The following CATSPERB variants were observed in gnomAD, a reference collection of about 807,000 sequenced individuals.
The protein encoded by CATSPERB is catsper channel auxiliary subunit beta.
A neutral mutation model predicts 128.3 loss-of-function variants in CATSPERB; 93 were observed. The observed-to-expected ratio is 0.72, with a 90% CI of 0.61 to 0.86. The LOEUF is 0.86. CATSPERB is among the 40% of genes least tolerant of loss of function. The pLI is 0.00. For missense variants in CATSPERB, 1,153 were observed against 1,329.5 expected (o/e 0.87, Z 2.06); for synonymous variants, 381 against 448.8 (o/e 0.85, Z 1.91).
intron 17 of CATSPERB, among the ~76,000 whole-genome samples, chr14:91,628,115 C>T (rs1193709200): frequency 2.6e-5 from 4 of 152,142 alleles, no homozygotes; most frequent in Admixed American, 2.0e-4. Flanking sequence ...CTCAAATAAT[C>T]TTTATGCCAA....
In CATSPERB at chr14:91,636,501, G is replaced by C; in HGVS notation, c.1666C>G (p.Pro556Ala). ...ATCGTTTCCTGGGGTTCGTTCTCAG[G>C]TACATATGCAAAAAAGATAATTTCA... ...LDEIIFFAYV[P>A]ENEPQETIYS... Residue 556 changes from proline to alanine, a missense_variant, in exon 17 of 27, where the codon CCT becomes GCT. Transcript: ENST00000256343. 6.2e-7 allele frequency: 1 copy of C among 1,613,908 alleles called. No homozygotes were observed. The highest frequency in any genetic ancestry group is 8.5e-7 in the Non-Finnish European group (1 of 1,179,908).
intron 10 of CATSPERB, among the ~76,000 whole-genome samples, chr14:91,688,324 G>A (rs1445701028): frequency 6.6e-6 from 1 of 152,128 alleles, no homozygotes; most frequent in African/African-American, 2.4e-5. Context: ...TACCAGTGAG[G>A]TGTATTTTGC....
intron 26 of CATSPERB, among the ~76,000 whole-genome samples, chr14:91,583,173 C>A (rs1200154924): frequency 6.6e-6 from 1 of 152,216 alleles, no homozygotes; most frequent in Non-Finnish European, 1.5e-5. Flanking sequence ...AATCCCAGCA[C>A]TTTGGGAGGC....
At chr14:91,586,571 A>AGAGAGAAAG (rs374162982) in intron 26 of CATSPERB, among the ~76,000 whole-genome samples, 2 of 114,192 alleles carry the variant, frequency 1.8e-5, no homozygotes, top group Admixed American at 1.0e-4. Context: ...GAGAGAGAGA[A>AGAGAGAAAG]AGAGAGAGAG....
At chr14:91,724,564 A>C (rs1419928636) in intron 3 of CATSPERB, among the ~76,000 whole-genome samples, 1 of 152,038 alleles carries the variant, frequency 6.6e-6, no homozygotes, top group Non-Finnish European at 1.5e-5. Flanking sequence ...TTTTTTATTA[A>C]TGTATATTTT....
At chr14:91,603,116 C>A in intron 22 of CATSPERB, 1 of 787,030 alleles carries the variant, frequency 1.3e-6, no homozygotes, top group Non-Finnish European at 2.4e-6. Flanking sequence ...TCTTGGAAGT[C>A]TTCTCCAATC....
At chr14:91,704,398 G>A (rs1895702289) in intron 7 of CATSPERB, among the ~76,000 whole-genome samples, 154 bp downstream of exon 7, 1 of 152,194 alleles carries the variant, frequency 6.6e-6, no homozygotes, top group South Asian at 2.1e-4. Context: ...CTTGGAAGTA[G>A]ACAAGATACA....
intron 5 of CATSPERB, among the ~76,000 whole-genome samples, chr14:91,708,780 A>AG (rs1895780782): frequency 6.6e-6 from 1 of 152,282 alleles, no homozygotes; most frequent in African/African-American, 2.4e-5. Context: ...ATTAAATGTA[A>AG]GTGGTCTAAA....
At chr14:91,695,758 T>C (rs78440145) in intron 7 of CATSPERB, among the ~76,000 whole-genome samples, 11,708 of 152,226 alleles carry the variant, frequency 0.077, 666 homozygotes, top group South Asian at 0.23. Flanking sequence ...GGCTGATTTG[T>C]ATTGGCACAA....
chr14:91,625,796 A>T (rs4904800), intron 17 of CATSPERB, among the ~76,000 whole-genome samples: 112,801 of 152,092 alleles, frequency 0.74, 42,401 homozygotes, highest in East Asian at 0.97. Context: ...ACATGCAAAA[A>T]ATTCAATCTA....
At chr14:91,599,929 G>A (rs918932040) in intron 22 of CATSPERB, among the ~76,000 whole-genome samples, 1 of 152,220 alleles carries the variant, frequency 6.6e-6, no homozygotes, top group Non-Finnish European at 1.5e-5. Context: ...GCCCTAAGCA[G>A]TTCCCAGCTT....
At chr14:91,603,449 C>A (rs1467118496) in intron 22 of CATSPERB, 22 of 1,517,780 alleles carry the variant, frequency 1.4e-5, no homozygotes, top group Non-Finnish European at 2.0e-5. Context: ...CTAGTTATAC[C>A]AGATGAGTGG....
At chr14:91,664,269 T>C (rs1201163012) in intron 14 of CATSPERB, among the ~76,000 whole-genome samples, 3 of 143,000 alleles carry the variant, frequency 2.1e-5, no homozygotes, top group African/African-American at 2.6e-5. Flanking sequence ...CTTTTTTTTT[T>C]TTTTTTTTTT....
intron 15 of CATSPERB, among the ~76,000 whole-genome samples, chr14:91,655,149 G>A (rs1894766301): frequency 6.6e-6 from 1 of 152,222 alleles, no homozygotes; most frequent in Non-Finnish European, 1.5e-5. Context: ...GCTGCAGTGA[G>A]CAAAGACTTA....
At chr14:91,590,696 A>G (rs1290721579) in intron 23 of CATSPERB, among the ~76,000 whole-genome samples, 8 of 150,976 alleles carry the variant, frequency 5.3e-5, no homozygotes, top group Non-Finnish European at 1.2e-4. Flanking sequence ...TCTGTCGCCC[A>G]GGCTAGAGTG....
At chr14:91,589,145 T>C (rs1893353917) in intron 24 of CATSPERB, among the ~76,000 whole-genome samples, 1 of 152,226 alleles carries the variant, frequency 6.6e-6, no homozygotes, top group Admixed American at 6.5e-5. Flanking sequence ...ACTCGTATAA[T>C]TAGAAGACAG....
At chr14:91,599,700 A>G (rs1330796904) in intron 22 of CATSPERB, among the ~76,000 whole-genome samples, 1 of 152,152 alleles carries the variant, frequency 6.6e-6, no homozygotes, top group East Asian at 1.9e-4. Context: ...CAATCAATAT[A>G]TATAAGAAGT....
intron 5 of CATSPERB, among the ~76,000 whole-genome samples, chr14:91,717,431 C>T (rs901090173): frequency 1.3e-5 from 2 of 152,052 alleles, no homozygotes; most frequent in African/African-American, 2.4e-5. Context: ...TTACTTTCAA[C>T]AATTATATGT....
At chr14:91,698,353 T>C (rs887444891) in intron 7 of CATSPERB, among the ~76,000 whole-genome samples, 18 of 152,192 alleles carry the variant, frequency 1.2e-4, no homozygotes, top group Non-Finnish European at 2.4e-4. Context: ...TTCTGTTGGA[T>C]GCCTCCTTCT....
Sources: gnomAD v4.1 joint callset for allele counts (sites outside exome capture counted in the v4.1 genomes callset) on GRCh38, gnomAD v4.1.1 for gene constraint, MANE v1.5 for transcripts, NCBI Gene and HGNC (gene_info 2026-07-23, HGNC 2026-07-21) for gene names.